CA5A: variants seen among roughly 807,000 people sequenced by gnomAD.
CA5A encodes carbonic anhydrase 5A.
In CA5A, 28 loss-of-function variants were observed where a neutral mutation model predicts 37.1. That is an observed-to-expected ratio of 0.75 (90% CI 0.56 to 1.03). CA5A has a LOEUF of 1.03. CA5A is among the 50% of genes least tolerant of loss of function. The pLI is 0.00. For synonymous variants in CA5A, 171 were observed against 158.4 expected, an observed-to-expected ratio of 1.08 and a Z score of -0.60; for missense variants, 444 against 399.9, an observed-to-expected ratio of 1.11 and a Z score of -0.94.
At chr16:87,930,745 T>C (rs1332025508) in intron 1 of CA5A, among the ~76,000 whole-genome samples, 1 of 147,924 alleles carries the variant, frequency 6.8e-6, no homozygotes, top group African/African-American at 2.5e-5. Flanking sequence ...ATTTTTTTTT[T>C]TTTTTTCTTT....
intron 2 of CA5A, among the ~76,000 whole-genome samples, chr16:87,921,466 A>C (rs1355974390): frequency 1.3e-5 from 2 of 152,182 alleles, no homozygotes; most frequent in African/African-American, 4.8e-5. Context: ...TTGCACAGCC[A>C]TGGAAATAAT....
chr16:87,890,511 G>A (rs1167443605), intron 6 of CA5A, among the ~76,000 whole-genome samples: 2 of 152,214 alleles, frequency 1.3e-5, no homozygotes, highest in Non-Finnish European at 2.9e-5. Context: ...GGGCGGGGGC[G>A]GGGCATAGGC....
chr16:87,921,023 C>G (rs893364628), intron 2 of CA5A, among the ~76,000 whole-genome samples: 1 of 152,034 alleles, frequency 6.6e-6, no homozygotes, highest in Admixed American at 6.6e-5. Flanking sequence ...GAACTCCTGA[C>G]CTCAGGTGAT....
chr16:87,919,798 G>C (rs1009824524), intron 2 of CA5A, among the ~76,000 whole-genome samples: 3 of 152,200 alleles, frequency 2.0e-5, no homozygotes, highest in Admixed American at 6.5e-5. Flanking sequence ...AGGAAGGCAG[G>C]GGGCAGCGGC....
intron 2 of CA5A, among the ~76,000 whole-genome samples, chr16:87,913,305 C>CTTTTTTTTTTT (rs56257660): frequency 1.3e-4 from 17 of 133,328 alleles, no homozygotes; most frequent in African/African-American, 5.3e-4. Context: ...ATGTTCCAGT[C>CTTTTTTTTTTT]TTTTTTTTTT....
intron 2 of CA5A, among the ~76,000 whole-genome samples, chr16:87,906,453 C>G (rs949016768): frequency 6.6e-6 from 1 of 151,912 alleles, no homozygotes; most frequent in African/African-American, 2.4e-5. Context: ...CGTGGTGTAA[C>G]CCATCTCTAC....
At chr16:87,928,575 AAAAT>A (rs1236813100) in intron 1 of CA5A, among the ~76,000 whole-genome samples, 2 of 152,118 alleles carry the variant, frequency 1.3e-5, no homozygotes, top group Non-Finnish European at 2.9e-5. Context: ...TTTTGTGAAA[AAAAT>A]ATATATATAC....
chr16:87,903,066 C>T (rs532373764), intron 3 of CA5A, among the ~76,000 whole-genome samples: 4 of 152,236 alleles, frequency 2.6e-5, no homozygotes, highest in South Asian at 4.1e-4. Context: ...TCATGTTAAC[C>T]TCATCCAATA....
At chr16:87,913,712 C>T (rs1262385936) in intron 2 of CA5A, among the ~76,000 whole-genome samples, 1 of 152,100 alleles carries the variant, frequency 6.6e-6, no homozygotes, top group Non-Finnish European at 1.5e-5. Flanking sequence ...TCCTCCTCCA[C>T]CCCACACTGC....
chr16:87,932,960 C>T (rs188089904), intron 1 of CA5A, among the ~76,000 whole-genome samples: 2,958 of 152,298 alleles, frequency 0.019, 92 homozygotes, highest in African/African-American at 0.068. Flanking sequence ...ATGGGCACCG[C>T]TGGCCTCGCC....
At chr16:87,929,162 A>C (rs891269781) in intron 1 of CA5A, among the ~76,000 whole-genome samples, 56 of 148,818 alleles carry the variant, frequency 3.8e-4, no homozygotes, top group Non-Finnish European at 6.7e-4. Context: ...ATAAAGATGT[A>C]TAGCCCTGGC....
chr16:87,914,720 C>T lies in CA5A; in HGVS notation c.341-9816G>A, dbSNP rs1460500692. Among the ~76,000 whole-genome samples, 5 of 143,038 alleles carry T rather than the reference C, an allele frequency of 3.5e-5. No homozygotes were observed. In the East Asian group the frequency reaches 7.3e-4, roughly 21 times the overall value. 93.8% of individuals were successfully genotyped at this position (143,038 alleles called of 152,430 possible). On this transcript the variant is annotated intron_variant, in intron 2 of 6. Coordinates refer to ENST00000649794, the MANE Select transcript of CA5A (RefSeq NM_001739.2). ...GGAGGACGTGGGGGCGGGCGCAGGG[C>T]GGGAGCACCGGGCAGTCCACAAGGT...
downstream of CA5A, chr16:87,885,538 A>C (rs2055641410): frequency 6.6e-6 from 1 of 152,590 alleles, no homozygotes. Flanking sequence ...CTTTGGCAGC[A>C]CAGCCGAACT....
chr16:87,908,989 A>ATTTTTTTTTTTT (rs60201296), intron 2 of CA5A, among the ~76,000 whole-genome samples: 2 of 139,360 alleles, frequency 1.4e-5, no homozygotes, highest in African/African-American at 5.4e-5. Context: ...ACACCCGGCT[A>ATTTTTTTTTTTT]TTTTTTTTTT....
chr16:87,905,419 G>A (rs976369636), intron 2 of CA5A, among the ~76,000 whole-genome samples: 2 of 152,254 alleles, frequency 1.3e-5, no homozygotes, highest in African/African-American at 2.4e-5. Context: ...GAGTACAATG[G>A]CATGATCTCA....
intron 2 of CA5A, among the ~76,000 whole-genome samples, chr16:87,915,246 T>G (rs771082715): frequency 6.6e-6 from 1 of 152,134 alleles, no homozygotes; most frequent in Non-Finnish European, 1.5e-5. Flanking sequence ...TCCACCAAAC[T>G]CCCTCAGAGT....
intron 1 of CA5A, 77 bp from the exon 2 acceptor site, chr16:87,927,022 G>A (rs111979306): frequency 1.2e-5 from 12 of 1,016,984 alleles, no homozygotes; most frequent in African/African-American, 9.5e-5. Flanking sequence ...GCAGAAACCC[G>A]GCCGCACGAG....
rs200448718 is a variant in CA5A, at chr16:87,891,767, G to T, written c.774+32C>A. The T allele has an allele frequency of 1.6e-3, 2,404 of 1,462,596 alleles. 5 individuals are homozygous for T. The highest frequency in any genetic ancestry group is 2.1e-3 in the Admixed American group (71 of 34,346). The allele number at this position is 1,462,596 out of a possible 1,614,324, so 90.6% of individuals were successfully genotyped here. A position where few individuals can be genotyped will look rare whatever the true frequency, so the allele number is the denominator to read the frequency against. On this transcript the variant is annotated intron_variant, in intron 6 of 6. Transcript: ENST00000649794. The stretch of plus-strand genomic sequence containing the variant: ...AAGCAAGAGGGACGCCTTCCATGAA[G>T]CGCCATCGTGCCAGTTACGGGCACG...
At chr16:87,912,225 C>T (rs2056061890) in intron 2 of CA5A, among the ~76,000 whole-genome samples, 1 of 152,086 alleles carries the variant, frequency 6.6e-6, no homozygotes, top group East Asian at 1.9e-4. Context: ...TCGCTTGAAC[C>T]CGGGAGGTGC....
Sources: allele counts gnomAD v4.1 joint callset (sites outside exome capture counted in the v4.1 genomes callset), GRCh38; gene constraint gnomAD v4.1.1; transcripts MANE v1.5; gene names NCBI Gene and HGNC (gene_info 2026-07-23, HGNC 2026-07-21).